ANK3: variants seen among roughly 807,000 people sequenced by gnomAD.
The protein encoded by ANK3 is ankyrin-3.
ANK3 carries 57 observed loss-of-function variants against 370.9 expected under a neutral mutation model. The observed-to-expected ratio is 0.15, with a 90% CI of 0.12 to 0.19. ANK3 has a LOEUF of 0.19. ANK3 is among the 10% of genes least tolerant of loss of function. ANK3 has a pLI of 1.00. For synonymous variants in ANK3, 1,929 were observed against 1,946.3 expected, an observed-to-expected ratio of 0.99 and a Z score of 0.23; for missense variants, 4,439 against 5,302.1, an observed-to-expected ratio of 0.84 and a Z score of 5.06.
intron 1 of ANK3, among the ~76,000 whole-genome samples, chr10:60,297,188 G>C (rs185520117): frequency 5.9e-5 from 9 of 152,048 alleles, no homozygotes; most frequent in Non-Finnish European, 4.4e-5. Flanking sequence ...TCTGAAAAGC[G>C]ATTTTTACAT....
chr10:60,418,797 T>C (rs1463366654), intron 2 of ANK3, among the ~76,000 whole-genome samples: 1 of 152,010 alleles, frequency 6.6e-6, no homozygotes, highest in Non-Finnish European at 1.5e-5. Flanking sequence ...AAACAGAAAT[T>C]TTAAGAGAGC....
chr10:60,424,268 T>C (rs2063834495), intron 2 of ANK3, among the ~76,000 whole-genome samples: 1 of 152,044 alleles, frequency 6.6e-6, no homozygotes, highest in Admixed American at 6.6e-5. Context: ...TGATAAATCA[T>C]ACCATCACTC....
upstream of ANK3, among the ~76,000 whole-genome samples, chr10:60,391,891 T>C (rs2063119405): frequency 6.6e-6 from 1 of 152,196 alleles, no homozygotes; most frequent in South Asian, 2.1e-4. Context: ...GACTTTTTTG[T>C]TGCCTTGGAT....
intron 1 of ANK3, chr10:60,685,255 G>C: frequency 3.7e-6 from 1 of 268,722 alleles, no homozygotes; most frequent in Non-Finnish European, 7.6e-6. Flanking sequence ...GTAAATGCAT[G>C]CTTCTTAAAG....
rs149876045 is a variant in ANK3 at position 60,186,747 on chromosome 10, C to A, written c.2053G>T (p.Gly685Cys). The A allele has an allele frequency of 4.3e-6, 7 of 1,613,888 alleles. No individual in the cohort carries two copies. The East Asian group carries it at 1.3e-4, about 31-fold the overall frequency. ...CTCAGGTTCACATTCGCATTTCTAC[C>A]GAGGAGCAGCGACACCATGTCCACG... Reference protein sequence around the residue: ...GHVDMVSLLLGRNANVNLSNK... With the variant: ...GHVDMVSLLLCRNANVNLSNK... Residue 685 changes from glycine (G) to cysteine (C), a missense_variant, in exon 17 of 44, where the codon GGT becomes TGT. By Grantham distance (159) the Gly-to-Cys change is radical. This residue lies in a region of ANK3 where 192 missense variants were observed against 192.1 expected (regional missense o/e 1.00). Coordinates refer to ENST00000280772, the MANE Select transcript of ANK3 (RefSeq NM_020987.5).
chr10:60,689,346 C>G (rs1344697154), intron 1 of ANK3, among the ~76,000 whole-genome samples: 2 of 152,180 alleles, frequency 1.3e-5, no homozygotes, highest in African/African-American at 2.4e-5. Flanking sequence ...CTGCAGTGAG[C>G]TGTGGCCATG....
chr10:60,421,073 A>T (rs1470805984), intron 2 of ANK3, among the ~76,000 whole-genome samples: 1 of 152,124 alleles, frequency 6.6e-6, no homozygotes, highest in Non-Finnish European at 1.5e-5. Context: ...AGCACATGTT[A>T]AGTGAAAACA....
rs1595356626 is a variant in ANK3 at position 60,620,528 on chromosome 10, A to C, written c.58-5304T>G. ...AAGTTACACAGTAAATAAGTAACAGAGCCTATATCTGAACCCAGGTTGAGG... is the reference window on the plus strand; with the variant it reads ...AAGTTACACAGTAAATAAGTAACAGCGCCTATATCTGAACCCAGGTTGAGG... On this transcript the variant is annotated intron_variant, in intron 1 of 43. Coordinates refer to the ANK3 transcript ENST00000373827. Among the ~76,000 whole-genome samples the C allele has an allele frequency of 2.6e-5, 4 of 152,326 alleles. No individual in the cohort carries two copies. The East Asian group carries it at 7.7e-4, about 29-fold the overall frequency.
intron 1 of ANK3, among the ~76,000 whole-genome samples, chr10:60,730,402 C>T (rs573327433): frequency 6.6e-6 from 1 of 152,194 alleles, no homozygotes; most frequent in East Asian, 1.9e-4. Flanking sequence ...AAGTGATCCT[C>T]GCATCTCGGC....
intron 28 of ANK3, among the ~76,000 whole-genome samples, chr10:60,094,223 T>C (rs555659248): frequency 6.7e-6 from 1 of 149,238 alleles, no homozygotes; most frequent in African/African-American, 2.5e-5. Context: ...TCACTCACTC[T>C]GTTGCTTAGG....
chr10:60,659,494 G>A (rs1413918530), intron 1 of ANK3, among the ~76,000 whole-genome samples: 3 of 151,916 alleles, frequency 2.0e-5, no homozygotes, highest in African/African-American at 4.8e-5. Flanking sequence ...AAGAGAGTTT[G>A]TGTGACCTTA....
intron 2 of ANK3, among the ~76,000 whole-genome samples, chr10:60,478,909 G>A (rs1232279753): frequency 2.0e-5 from 3 of 152,132 alleles, no homozygotes; most frequent in East Asian, 3.9e-4. Context: ...CTAATGAAAA[G>A]TATATATTAT....
intron 2 of ANK3, among the ~76,000 whole-genome samples, chr10:60,444,683 G>A (rs188897460): frequency 6.6e-6 from 1 of 151,928 alleles, no homozygotes; most frequent in Non-Finnish European, 1.5e-5. Context: ...TAGAGGGAGT[G>A]GTTGATCTTT....
rs1291276047 is a variant in ANK3, at chr10:60,059,536, T to A, written c.12596-106A>T. The A allele has an allele frequency of 3.2e-6, 4 of 1,244,408 alleles. No homozygotes were observed. In the African/African-American group the frequency reaches 5.9e-5, roughly 18 times the overall value. 77.1% of individuals were successfully genotyped at this position (1,244,408 alleles called of 1,614,324 possible). A position where few individuals can be genotyped will look rare whatever the true frequency, so the allele number is the denominator to read the frequency against. The stretch of plus-strand genomic sequence containing the variant: ...GACTCTACTCCTTCTTCAAGTTGAA[T>A]GTCCTCAAATAGAGATTTGAGTTTC... On this transcript the variant is annotated intron_variant, in intron 40 of 43. Transcript: ENST00000280772.
At chr10:60,171,113 T>C (rs1366417109) in intron 21 of ANK3, among the ~76,000 whole-genome samples, 2 of 152,198 alleles carry the variant, frequency 1.3e-5, no homozygotes, top group Non-Finnish European at 2.9e-5. Flanking sequence ...TTTTGAGAAC[T>C]TAATGATAGA....
At chr10:60,574,997 T>C (rs778541314) in intron 2 of ANK3, among the ~76,000 whole-genome samples, 10 of 152,124 alleles carry the variant, frequency 6.6e-5, no homozygotes, top group Non-Finnish European at 1.5e-4. Context: ...GGTATAAAAA[T>C]TGAGATTAAA....
intron 43 of ANK3, among the ~76,000 whole-genome samples, chr10:60,036,725 T>C (rs574575195): frequency 7.9e-5 from 12 of 152,210 alleles, no homozygotes; most frequent in African/African-American, 2.6e-4. Context: ...CGTGAGCCAC[T>C]GCATCTGGCT....
Position 60,044,026 on chromosome 10 carries a change from A to G in ANK3, c.13066-1267T>C, listed in dbSNP as rs887002360. The stretch of plus-strand genomic sequence containing the variant: ...GTTAGCAGCAATTTCTAGGGAGTGC[A>G]CAAAGCTTTTGTCCTCTACATTCTC... On this transcript the variant is annotated intron_variant, in intron 42 of 43. Coordinates refer to ENST00000280772, the MANE Select transcript of ANK3 (RefSeq NM_020987.5). The G allele has an allele frequency of 3.0e-6, 3 of 985,726 alleles. No individual in the cohort carries two copies. In the African/African-American group the frequency reaches 5.2e-5, roughly 17 times the overall value. 61.1% of individuals were successfully genotyped at this position (985,726 alleles called of 1,614,324 possible).
At chr10:60,593,765 T>C (rs924983104) in intron 2 of ANK3, among the ~76,000 whole-genome samples, 4 of 152,182 alleles carry the variant, frequency 2.6e-5, no homozygotes, top group African/African-American at 9.7e-5. Flanking sequence ...GTGAAGTGGA[T>C]GGTTGCCTCA....
Sources: gnomAD v4.1 joint callset for allele counts (sites outside exome capture counted in the v4.1 genomes callset) on GRCh38, gnomAD v4.1.1 for gene constraint, gnomAD v4.1.1 regional missense constraint, MANE v1.5 for transcripts, NCBI Gene and HGNC (gene_info 2026-07-23, HGNC 2026-07-21) for gene names.